Variants in DENND3 observed in about 807,000 individuals in gnomAD.
DENND3 encodes the protein DENN domain-containing protein 3.
A neutral mutation model predicts 135.1 loss-of-function variants in DENND3; 88 were observed. The ratio of observed to expected loss-of-function variants is 0.65; its 90% CI spans 0.55 to 0.78. The LOEUF is 0.78. Ranked by LOEUF, DENND3 falls within the 30% of genes least tolerant of loss-of-function variation. DENND3 has a pLI of 0.00. For missense variants in DENND3, 1,392 were observed against 1,688.4 expected (o/e 0.82, Z 3.08); for synonymous variants, 693 against 712.3 (o/e 0.97, Z 0.43).
intron 8 of DENND3, among the ~76,000 whole-genome samples, chr8:141,158,789 C>G (rs1163579340): frequency 6.6e-6 from 1 of 152,200 alleles, no homozygotes; most frequent in Admixed American, 6.5e-5. Flanking sequence ...GGAAGTCGCT[C>G]TCTCCCTGGG....
At chr8:141,185,768 T>C (rs140015779) in intron 18 of DENND3, among the ~76,000 whole-genome samples, 1 of 150,942 alleles carries the variant, frequency 6.6e-6, no homozygotes, top group East Asian at 2.0e-4. Flanking sequence ...GAGGCTGCAG[T>C]GAGCCAAGAT....
Position 141,139,915 on chromosome 8 carries a change from C to CT in DENND3, c.502-1276dup, listed in dbSNP as rs34384181. Among the ~76,000 whole-genome samples, 9,004 of 146,134 alleles carry CT rather than the reference C, an allele frequency of 0.062. 942 individuals carry two copies. Among genetic ancestry groups the CT allele is most frequent in the African/African-American group, 0.21 (8,413 of 39,734 alleles). ...CGCTATATCTATCGTTTTTTTCTTT[C>CT]TTTTTTTTTTTTGAGACAGTCTCGC... On this transcript the variant is annotated intron_variant, in intron 3 of 22. Transcript: ENST00000519811. The surrounding 1 kb of genome is among the most constrained non-coding windows in gnomAD (Gnocchi z 4.2).
At chr8:141,173,944 G>A (rs968647213) in intron 13 of DENND3, among the ~76,000 whole-genome samples, 2 of 152,216 alleles carry the variant, frequency 1.3e-5, no homozygotes, top group African/African-American at 2.4e-5. Flanking sequence ...TTCTTGGGGT[G>A]TAGCAAGTGT....
At chr8:141,171,731 G>GTGGGTGTGCGTAGTAGCCA (rs1249415867) in intron 13 of DENND3, among the ~76,000 whole-genome samples, 1 of 152,124 alleles carries the variant, frequency 6.6e-6, no homozygotes, top group Admixed American at 6.5e-5. Context: ...CACAGTGGCT[G>GTGGGTGTGCGTAGTAGCCA]TGGGTGTGCG....
Position 141,128,683 on chromosome 8 carries a change from T to C in DENND3, c.-25T>C. On this transcript the variant is annotated 5_prime_UTR_variant, in exon 1 of 23. Transcript: ENST00000519811. The surrounding 1 kb of genome is among the most constrained non-coding windows in gnomAD (Gnocchi z 4.5). Reference sequence around the variant, plus strand: ...GCGCGGCTGAGGCGCCCGAGTGCGGTACTGGCGGCGGGCGGCGGGCAGCCA... The same window carrying C: ...GCGCGGCTGAGGCGCCCGAGTGCGGCACTGGCGGCGGGCGGCGGGCAGCCA... 1 of 1,368,312 alleles carries C rather than the reference T, an allele frequency of 7.3e-7. No individual in the cohort carries two copies. Among genetic ancestry groups the C allele is most frequent in the Non-Finnish European group, 9.4e-7 (1 of 1,059,740 alleles). 84.8% of individuals were successfully genotyped at this position (1,368,312 alleles called of 1,614,324 possible).
At chr8:141,164,794 C>T (rs895879743) in intron 10 of DENND3, among the ~76,000 whole-genome samples, 11 of 152,204 alleles carry the variant, frequency 7.2e-5, no homozygotes, top group Admixed American at 1.3e-4. Flanking sequence ...GCTGGAGCTG[C>T]GCCAGCCACG....
At chr8:141,134,553 G>A (rs993175899) in intron 1 of DENND3, among the ~76,000 whole-genome samples, 8 of 152,108 alleles carry the variant, frequency 5.3e-5, no homozygotes, top group Admixed American at 3.9e-4. Flanking sequence ...GATTACAAGC[G>A]TAAGCCACCG....
Position 141,138,088 on chromosome 8 carries a change from G to T in DENND3, c.452G>T (p.Cys151Phe). 6.2e-7 allele frequency: 1 copy of T among 1,610,350 alleles called. No homozygotes were observed. Among genetic ancestry groups the T allele is most frequent in the Non-Finnish European group, 8.5e-7 (1 of 1,178,180 alleles). The change falls in exon 3 of 23, where the codon TGC (cysteine) becomes TTC (phenylalanine). Residue 151 changes from cysteine (C) to phenylalanine (F), a missense_variant. By Grantham distance (205) the Cys-to-Phe change is radical. Coordinates refer to ENST00000519811, the MANE Select transcript of DENND3 (RefSeq NM_001352890.3). This position sits in a 1 kb window ranked among gnomAD's most constrained non-coding sequence, Gnocchi z 4.8. ...CACTTCCTGGTGCTGACCGATGTCTGCGGGAATAGGACCTATGGCGTGGTG... is the reference window on the plus strand; with the variant it reads ...CACTTCCTGGTGCTGACCGATGTCTTCGGGAATAGGACCTATGGCGTGGTG... Reference protein sequence around the residue: ...CVHFLVLTDVCGNRTYGVVAQ... With the variant: ...CVHFLVLTDVFGNRTYGVVAQ...
intron 9 of DENND3, 76 bp downstream of exon 9, chr8:141,160,863 C>G (rs1006201512): frequency 1.3e-6 from 2 of 1,528,698 alleles, no homozygotes; most frequent in African/African-American, 2.7e-5. Flanking sequence ...TCGTGCACCC[C>G]GCCCCAGAGG....
rs766690931 is a variant in DENND3 at position 141,130,686 on chromosome 8, AAT to A, written c.102+1882_102+1883del. Among the ~76,000 whole-genome samples the A allele has an allele frequency of 1.5e-4, 20 of 135,924 alleles. No individual in the cohort carries two copies. Among genetic ancestry groups the A allele is most frequent in the South Asian group, 2.2e-4 (1 of 4,532 alleles). 89.2% of individuals were successfully genotyped at this position (135,924 alleles called of 152,430 possible). A position where few individuals can be genotyped will look rare whatever the true frequency, so the allele number is the denominator to read the frequency against. Reference sequence around the variant, plus strand: ...CTATTTTGAATGTCCAAGGCTTTTAAATATATTTTTTTTTTTTTGAGACAGAG... The same window carrying A: ...CTATTTTGAATGTCCAAGGCTTTTAAATATTTTTTTTTTTTTGAGACAGAG... On this transcript the variant is annotated intron_variant, in intron 1 of 22. Transcript: ENST00000519811. This position sits in a 1 kb window ranked among gnomAD's most constrained non-coding sequence, Gnocchi z 4.2.
intron 1 of DENND3, among the ~76,000 whole-genome samples, chr8:141,132,557 A>T (rs1816260461): frequency 6.6e-6 from 1 of 152,124 alleles, no homozygotes; most frequent in Admixed American, 6.5e-5. Context: ...GGGTTTCTCC[A>T]TGTTGATCAG....
chr8:141,165,132 C>A, intron 10 of DENND3, 54 bp from the exon 11 acceptor site: 1 of 1,410,950 alleles, frequency 7.1e-7, no homozygotes, highest in Non-Finnish European at 1.0e-6. Context: ...GGCTTTGGAG[C>A]AGGGACCTGG....
chr8:141,183,751 T>A (rs867787673), intron 17 of DENND3, among the ~76,000 whole-genome samples: 24 of 131,686 alleles, frequency 1.8e-4, no homozygotes, highest in Admixed American at 8.9e-4. Flanking sequence ...TTTTTTTTTT[T>A]AATTTAAAAA....
In DENND3 at chr8:141,190,415, G is replaced by T; in HGVS notation, c.3377G>T (p.Cys1126Phe). 2.5e-6 allele frequency: 4 copies of T among 1,607,394 alleles called. No homozygotes were observed. The highest frequency in any genetic ancestry group is 3.4e-6 in the Non-Finnish European group (4 of 1,177,916). ...SIRLHGGRLW[C>F]CTGNSIMVMK... is the part of the protein sequence containing the mutation. ...AGACTGCACGGCGGCCGCCTGTGGT[G>T]CTGTAAGTCCGGCCCCTGCCATCAG... The change falls in exon 20 of 23, where the codon TGC becomes TTC. Residue 1126 changes from cysteine to phenylalanine, a missense_variant and splice_region_variant. Transcript: ENST00000519811.
rs1421166485 is a variant in DENND3, at chr8:141,144,814, A to G, written c.735+555A>G. 6.6e-6 allele frequency among the ~76,000 whole-genome samples: 1 copy of G among 152,186 alleles called. No individual in the cohort carries two copies. Among genetic ancestry groups the G allele is most frequent in the Admixed American group, 6.5e-5 (1 of 15,280 alleles). Reference sequence around the variant, plus strand: ...TATGAACAAAACCTAAGGTCACACAAAGCAAGGGTTAAGTCACTCCCTACA... The same window carrying G: ...TATGAACAAAACCTAAGGTCACACAGAGCAAGGGTTAAGTCACTCCCTACA... On this transcript the variant is annotated intron_variant, in intron 5 of 22. Coordinates refer to ENST00000519811, the MANE Select transcript of DENND3 (RefSeq NM_001352890.3). This position sits in a 1 kb window ranked among gnomAD's most constrained non-coding sequence, Gnocchi z 4.4.
At chr8:141,134,959 C>T (rs987849752) in intron 1 of DENND3, among the ~76,000 whole-genome samples, 2 of 151,896 alleles carry the variant, frequency 1.3e-5, no homozygotes, top group African/African-American at 2.4e-5. Context: ...GCCCCCCGCC[C>T]GGCCGAGTAG....
intron 5 of DENND3, among the ~76,000 whole-genome samples, chr8:141,145,833 ATATATATATATATATATG>A (rs1329221654): frequency 3.1e-5 from 1 of 32,078 alleles, no homozygotes; most frequent in African/African-American, 2.4e-4. Flanking sequence ...ATATATATAT[ATATATATATATATATATG>A]TATTTTTTTT....
chr8:141,178,672 TGAGTGAGGA>T (rs1822709083), intron 16 of DENND3, among the ~76,000 whole-genome samples: 1 of 152,204 alleles, frequency 6.6e-6, no homozygotes, highest in Admixed American at 6.5e-5. Context: ...CACCGCTGCA[TGAGTGAGGA>T]GAGGCCCTGC....
chr8:141,172,935 G>T (rs1821816113), intron 13 of DENND3, among the ~76,000 whole-genome samples: 1 of 145,908 alleles, frequency 6.9e-6, no homozygotes, highest in Non-Finnish European at 1.5e-5. Flanking sequence ...AAAAAAGAAA[G>T]AAATACATAA....
Sources: allele counts gnomAD v4.1 joint callset (sites outside exome capture counted in the v4.1 genomes callset), GRCh38; gene constraint gnomAD v4.1.1; non-coding constraint Gnocchi (gnomAD v3.1); transcripts MANE v1.5; gene names NCBI Gene and HGNC (gene_info 2026-07-23, HGNC 2026-07-21).